The following PREPL variants were observed in gnomAD, a reference collection of about 807,000 sequenced individuals.
The protein encoded by PREPL is prolyl endopeptidase like, also known as prolyl endopeptidase-like.
In PREPL, 77 loss-of-function variants were observed where a neutral mutation model predicts 70.6. That is an observed-to-expected ratio of 1.09 (90% CI 0.91 to 1.32). The LOEUF (loss-of-function observed/expected upper bound fraction) is 1.32, where lower values mean the gene tolerates loss of function less well. Among genes scored for constraint, PREPL ranks in the 40% most tolerant of loss-of-function variants. The pLI is 0.00. For synonymous variants in PREPL, 315 were observed against 264.8 expected, an observed-to-expected ratio of 1.19 and a Z score of -1.84; for missense variants, 1,002 against 778.2, an observed-to-expected ratio of 1.29 and a Z score of -3.42.
At chr2:44,342,822 T>G (rs376442812) in intron 4 of PREPL, among the ~76,000 whole-genome samples, 1 of 152,176 alleles carries the variant, frequency 6.6e-6, no homozygotes. Flanking sequence ...ATGCTCAATA[T>G]TTAGGAAAGA....
chr2:44,323,403 G>C lies in PREPL; in HGVS notation c.1488C>G (p.Phe496Leu). Reference sequence around the variant, plus strand: ...CCATCATGGTGTTGAGAACATCCAAGAAAGGTGCCTAAAAAAAAGGCAAAG... The same window carrying C: ...CCATCATGGTGTTGAGAACATCCAACAAAGGTGCCTAAAAAAAAGGCAAAG... ...LVRAVTLEAP[F>L]LDVLNTMMDT... Residue 496 changes from phenylalanine to leucine, a missense_variant, in exon 11 of 14, where the codon TTC (phenylalanine) becomes TTG (leucine). Coordinates refer to ENST00000409411, the MANE Select transcript of PREPL (RefSeq NM_001171613.2). 1 of 1,580,168 alleles carries C rather than the reference G, an allele frequency of 6.3e-7. No individual in the cohort carries two copies. The highest frequency in any genetic ancestry group is 8.6e-7 in the Non-Finnish European group (1 of 1,166,942).
At chr2:44,324,257 A>T (rs927814980) in intron 10 of PREPL, among the ~76,000 whole-genome samples, 2 of 152,196 alleles carry the variant, frequency 1.3e-5, no homozygotes. Flanking sequence ...GGGAAGAAGC[A>T]AATGGAGAGC....
chr2:44,328,540 C>A lies in PREPL; in HGVS notation c.1262+397G>T, dbSNP rs180992970. 3.8e-4 allele frequency among the ~76,000 whole-genome samples: 56 copies of A among 148,458 alleles called. No individual in the cohort carries two copies. The East Asian group carries it at 8.0e-3, about 21-fold the overall frequency. ...TATACTGGGGAATCTGGACTGTGTT[C>A]TAGAGATGGGGAGGTGGAGAAGAAT... On this transcript the variant is annotated intron_variant, in intron 9 of 13. Transcript: ENST00000409411.
rs751757554 is a variant in PREPL, at chr2:44,344,514, G to A, written c.142+6C>T. On this transcript the variant is annotated splice_donor_region_variant and intron_variant, in intron 3 of 13. Transcript: ENST00000409411. Reference sequence around the variant, plus strand: ...AGAGCACGTAAAAAGAAAAATTGTGGTGTACCTTCTTCATCTTTGGAACGA... The same window carrying A: ...AGAGCACGTAAAAAGAAAAATTGTGATGTACCTTCTTCATCTTTGGAACGA... 6.4e-7 allele frequency: 1 copy of A among 1,571,206 alleles called. No homozygotes were observed. Among genetic ancestry groups the A allele is most frequent in the East Asian group, 2.3e-5 (1 of 43,786 alleles).
Position 44,346,320 on chromosome 2 carries a change from C to T in PREPL, c.23G>A (p.Arg8Lys). 1 of 1,610,954 alleles carries T rather than the reference C, an allele frequency of 6.2e-7. No individual in the cohort carries two copies. Among genetic ancestry groups the T allele is most frequent in the Non-Finnish European group, 8.5e-7 (1 of 1,178,220 alleles). The change falls in exon 2 of 14, where the codon AGA becomes AAA. Residue 8 changes from arginine to lysine, a missense_variant. Transcript: ENST00000409411. MDAFEKVRTKLETQPQEE... is the reference protein window; with the variant it reads MDAFEKVKTKLETQPQEE... The stretch of plus-strand genomic sequence containing the variant: ...TTGTGGCTGTGTTTCTAATTTTGTT[C>T]TCACTTTTTCAAATGCATCCATGTT...
At chr2:44,341,330 G>C (rs1007165260) in intron 5 of PREPL, among the ~76,000 whole-genome samples, 7 of 152,108 alleles carry the variant, frequency 4.6e-5, no homozygotes, top group Middle Eastern at 3.4e-3. Context: ...TTTTCACATA[G>C]ACTAGGATCT....
At chr2:44,359,483 T>C (rs1274270714) in intron 1 of PREPL, 3 of 1,568,202 alleles carry the variant, frequency 1.9e-6, no homozygotes, top group Admixed American at 1.7e-5. Flanking sequence ...TAGGTTAACT[T>C]AAACAGTCCA....
intron 2 of PREPL, among the ~76,000 whole-genome samples, chr2:44,345,365 T>C (rs1387295158): frequency 6.6e-6 from 1 of 152,132 alleles, no homozygotes; most frequent in African/African-American, 2.4e-5. Context: ...TTTTCTTTTT[T>C]TTTTGAGACA....
chr2:44,325,900 C>T (rs1210321711), intron 10 of PREPL, among the ~76,000 whole-genome samples: 1 of 152,166 alleles, frequency 6.6e-6, no homozygotes, highest in Non-Finnish European at 1.5e-5. Flanking sequence ...ATTTCTGACA[C>T]TGGGAAAAGA....
intron 10 of PREPL, among the ~76,000 whole-genome samples, chr2:44,324,842 G>C (rs573911206): frequency 6.6e-6 from 1 of 152,080 alleles, no homozygotes; most frequent in African/African-American, 2.4e-5. Context: ...AGCTGTGTTC[G>C]TGTGCCATTG....
intron 10 of PREPL, among the ~76,000 whole-genome samples, chr2:44,325,453 A>G (rs577886056): frequency 1.9e-4 from 29 of 152,182 alleles, no homozygotes; most frequent in Non-Finnish European, 3.5e-4. Context: ...ACATTTTCCT[A>G]ATGCCCTTTA....
intron 4 of PREPL, among the ~76,000 whole-genome samples, chr2:44,343,031 T>C (rs894772828): frequency 4.6e-5 from 7 of 152,204 alleles, no homozygotes; most frequent in Non-Finnish European, 8.8e-5. Context: ...CAACAGAAGT[T>C]TGCACACAAT....
intron 1 of PREPL, chr2:44,359,785 A>C: frequency 9.0e-7 from 1 of 1,106,184 alleles, no homozygotes; most frequent in South Asian, 1.3e-5. Context: ...AGGTATGATT[A>C]CAGAGTAGTG....
chr2:44,320,413 T>C lies in PREPL; in HGVS notation c.*943A>G. The C allele has an allele frequency of 6.2e-7, 1 of 1,614,084 alleles. No individual in the cohort carries two copies. The highest frequency in any genetic ancestry group is 2.2e-5 in the East Asian group (1 of 44,884). ...ACACTGTTAAATCTACATAATATGA[T>C]TTCGGGCCTTCCCGCTAAAATGAGA... On this transcript the variant is annotated 3_prime_UTR_variant, in exon 14 of 14. Transcript: ENST00000409411.
chr2:44,359,819 G>A lies in PREPL; in HGVS notation c.-49+1561C>T, dbSNP rs115259707. On this transcript the variant is annotated intron_variant, in intron 1 of 13. Transcript: ENST00000409411. The stretch of plus-strand genomic sequence containing the variant: ...TGGGTTCTCAGAGTAACTAAGATCA[G>A]CAGTTCTCATCCCTCCTTTTCAGGG... 2.7e-3 allele frequency: 2,110 copies of A among 771,214 alleles called. 32 individuals carry two copies. In the African/African-American group the frequency reaches 0.032, roughly 12 times the overall value. 47.8% of individuals were successfully genotyped at this position (771,214 alleles called of 1,614,324 possible). A position where few individuals can be genotyped will look rare whatever the true frequency, so the allele number is the denominator to read the frequency against.
At chr2:44,325,675 G>A (rs1255831212) in intron 10 of PREPL, among the ~76,000 whole-genome samples, 1 of 151,830 alleles carries the variant, frequency 6.6e-6, no homozygotes, top group Admixed American at 6.6e-5. Flanking sequence ...TTTGTGCATA[G>A]GCTATTCTCC....
chr2:44,332,518 C>T lies in PREPL; in HGVS notation c.1027G>A (p.Gly343Arg). 1.2e-6 allele frequency: 2 copies of T among 1,614,112 alleles called. No individual in the cohort carries two copies. Among genetic ancestry groups the T allele is most frequent in the Non-Finnish European group, 1.7e-6 (2 of 1,180,000 alleles). ...GTCTTTGTGATTGGGTCTTCATGCC[C>T]AGTTTCCTCAAACAGTTTGCCTTCT... ...FAEGKLFEET[G>R]HEDPITKTSR... The change falls in exon 8 of 14, where the codon GGG becomes AGG. Residue 343 changes from glycine to arginine, a missense_variant. Physicochemically the swap from Gly to Arg is moderately radical, Grantham distance 125. Coordinates refer to ENST00000409411, the MANE Select transcript of PREPL (RefSeq NM_001171613.2).
At chr2:44,338,609 T>A (rs1262978233) in intron 6 of PREPL, 73 bp from the exon 7 acceptor site, 1 of 1,236,802 alleles carries the variant, frequency 8.1e-7, no homozygotes, top group South Asian at 1.4e-5. Flanking sequence ...ATGCAATCAC[T>A]GAGAACTAGA....
In PREPL at chr2:44,343,774, T is replaced by G; in HGVS notation, c.320A>C (p.Glu107Ala). 6.2e-7 allele frequency: 1 copy of G among 1,613,966 alleles called. No individual in the cohort carries two copies. The change falls in exon 4 of 14, where the codon GAA (glutamate) becomes GCA (alanine). Residue 107 changes from glutamate to alanine, a missense_variant. Glu to Ala is a moderately radical substitution (Grantham distance 107, BLOSUM62 -1). Coordinates refer to ENST00000409411, the MANE Select transcript of PREPL (RefSeq NM_001171613.2). ...IIKLSDQPVMEASFPNVSSFE... is the reference protein window; with the variant it reads ...IIKLSDQPVMAASFPNVSSFE... ...ACTGGACACATTCGGGAAAGAAGCT[T>G]CCATTACGGGCTGATCGCTGAGCTT...
Sources: allele counts gnomAD v4.1 joint callset (sites outside exome capture counted in the v4.1 genomes callset), GRCh38; gene constraint gnomAD v4.1.1; transcripts MANE v1.5; gene names NCBI Gene and HGNC (gene_info 2026-07-23, HGNC 2026-07-21).